The following SLCO1A2 variants were observed in gnomAD, a reference collection of about 807,000 sequenced individuals.
SLCO1A2 encodes OATP-1.
A neutral mutation model predicts 69.0 loss-of-function variants in SLCO1A2; 67 were observed. The observed-to-expected ratio is 0.97, with a 90% CI of 0.80 to 1.19. SLCO1A2 has a LOEUF of 1.19. Among genes scored for constraint, SLCO1A2 ranks in the 50% most tolerant of loss-of-function variants. SLCO1A2 has a pLI of 0.00. For missense variants in SLCO1A2, 787 were observed against 793.7 expected (o/e 0.99, Z 0.10); for synonymous variants, 260 against 265.9 (o/e 0.98, Z 0.22).
chr12:21,362,425 G>C (rs1242795815), intron 2 of SLCO1A2, among the ~76,000 whole-genome samples: 1 of 152,136 alleles, frequency 6.6e-6, no homozygotes, highest in Non-Finnish European at 1.5e-5. Flanking sequence ...GGAACAACCG[G>C]TACGAGCCAC....
At chr12:21,374,913 A>T (rs566162698) in intron 1 of SLCO1A2, among the ~76,000 whole-genome samples, 1 of 152,098 alleles carries the variant, frequency 6.6e-6, no homozygotes, top group African/African-American at 2.4e-5. Flanking sequence ...TTCTAGGCTC[A>T]GGTGATCCTC....
chr12:21,269,472 A>T lies in SLCO1A2; in HGVS notation c.*76T>A. 9.2e-7 allele frequency: 1 copy of T among 1,083,156 alleles called. No homozygotes were observed. The highest frequency in any genetic ancestry group is 1.3e-6 in the Non-Finnish European group (1 of 745,682). 67.1% of individuals were successfully genotyped at this position (1,083,156 alleles called of 1,614,324 possible). On this transcript the variant is annotated 3_prime_UTR_variant, in exon 15 of 15. Coordinates refer to ENST00000683939, the MANE Select transcript of SLCO1A2 (RefSeq NM_001386879.1). ...AAGACAAGAAAAAGTTATCTATTAT[A>T]TCTCTACTGATTTTTAAAACAATTA...
At position 21,306,897 on chromosome 12, in the gene SLCO1A2, T is replaced by C. The variant is rs777330971; in HGVS notation, c.427A>G (p.Thr143Ala). ...MENGTQILRP[T>A]QDPSECTKEV... ...AGTAGACAACCTGATGGATCCTGCGTTGGTCTTAAAATCTGGGTTCCATTT... is the reference window on the plus strand; with the variant it reads ...AGTAGACAACCTGATGGATCCTGCGCTGGTCTTAAAATCTGGGTTCCATTT... The change falls in exon 5 of 15, where the codon ACG (threonine) becomes GCG (alanine). Residue 143 changes from threonine to alanine, a missense_variant. By Grantham distance (58) the Thr-to-Ala change is moderately conservative. Coordinates refer to ENST00000683939, the MANE Select transcript of SLCO1A2 (RefSeq NM_001386879.1). 1 of 1,613,352 alleles carries C rather than the reference T, an allele frequency of 6.2e-7. No homozygotes were observed. The highest frequency in any genetic ancestry group is 1.3e-5 in the African/African-American group (1 of 75,024).
At chr12:21,313,166 G>T (rs574476909) in intron 4 of SLCO1A2, among the ~76,000 whole-genome samples, 2 of 152,240 alleles carry the variant, frequency 1.3e-5, no homozygotes, top group African/African-American at 4.8e-5. Context: ...TAATATCAAT[G>T]ATCACTAATC....
chr12:21,353,862 T>A (rs1394048044), intron 2 of SLCO1A2, among the ~76,000 whole-genome samples: 1 of 152,224 alleles, frequency 6.6e-6, no homozygotes, highest in African/African-American at 2.4e-5. Context: ...CTAATTTACC[T>A]TCCCTAGAAC....
intron 2 of SLCO1A2, among the ~76,000 whole-genome samples, chr12:21,357,856 C>T (rs542555847): frequency 6.6e-6 from 1 of 152,116 alleles, no homozygotes. Flanking sequence ...AACACATGTT[C>T]TTGCTTAAGA....
At chr12:21,340,950 T>C (rs914240599) in intron 2 of SLCO1A2, among the ~76,000 whole-genome samples, 11 of 151,936 alleles carry the variant, frequency 7.2e-5, no homozygotes, top group African/African-American at 2.7e-4. Context: ...GAGATAATAA[T>C]AAAAATATAA....
In SLCO1A2 at chr12:21,300,502, A is replaced by G; in HGVS notation, c.756T>C (p.Cys252=). The part of the protein sequence containing the change: ...VGAWWFGFLI[C]AGVNVLTAIP... ...TGGCAGTGAGCACGTTAACTCCTGCACAAATCAGAAAGCCAAACCACCATG... is the reference window on the plus strand; with the variant it reads ...TGGCAGTGAGCACGTTAACTCCTGCGCAAATCAGAAAGCCAAACCACCATG... The change falls in exon 8 of 15, where the codon TGT becomes TGC. Residue 252 remains cysteine, a synonymous_variant. Coordinates refer to ENST00000683939, the MANE Select transcript of SLCO1A2 (RefSeq NM_001386879.1). 1.9e-6 allele frequency: 3 copies of G among 1,613,628 alleles called. No homozygotes were observed. In the South Asian group the frequency reaches 3.3e-5, roughly 18 times the overall value.
rs180894017 is a variant in SLCO1A2, at chr12:21,411,726, A to C, written c.-312+6156T>G. 5.9e-4 allele frequency among the ~76,000 whole-genome samples: 90 copies of C among 152,004 alleles called. 1 individual carries two copies. Among genetic ancestry groups the C allele is most frequent in the African/African-American group, 2.0e-3 (85 of 41,466 alleles). ...GAGACAAGGTTTCACTCCATTGCCC[A>C]GGCTAGAGTGCAGTGGCACAATCAG... is the stretch of plus-strand genomic sequence containing the variant. On this transcript the variant is annotated intron_variant, in intron 1 of 4. Coordinates refer to the SLCO1A2 transcript ENST00000413682.
At chr12:21,358,410 A>G (rs1938543362) in intron 2 of SLCO1A2, among the ~76,000 whole-genome samples, 1 of 152,222 alleles carries the variant, frequency 6.6e-6, no homozygotes, top group Non-Finnish European at 1.5e-5. Flanking sequence ...GAGCAATACT[A>G]CTTTTAAACT....
intron 2 of SLCO1A2, among the ~76,000 whole-genome samples, chr12:21,330,396 A>G (rs1163985425): frequency 6.6e-6 from 1 of 152,248 alleles, no homozygotes; most frequent in East Asian, 1.9e-4. Context: ...TTGTAGTTCC[A>G]GCTACTCAGA....
At chr12:21,410,482 G>GAATA (rs1319847984) in intron 1 of SLCO1A2, among the ~76,000 whole-genome samples, 6 of 152,114 alleles carry the variant, frequency 3.9e-5, no homozygotes, top group Non-Finnish European at 7.4e-5. Flanking sequence ...TATAGCTGTA[G>GAATA]AATAGTATAC....
Position 21,314,605 on chromosome 12 carries a change from A to T in SLCO1A2, c.279T>A (p.Cys93Ter), listed in dbSNP as rs756832201. ...LHRPIMIGIG[C>*]VVMGLGCFLK... ...AGAAACAGCCTAAGCCCATAACCAC[A>T]CATCCAATGCCAATCATTATAGGTC... The change falls in exon 4 of 15, where the codon TGT becomes TGA. Residue 93 changes from cysteine (C) to a stop codon, truncating the protein, a stop_gained. Transcript: ENST00000683939. LOFTEE classifies it high-confidence loss of function. 2 of 1,613,912 alleles carry T rather than the reference A, an allele frequency of 1.2e-6. No individual in the cohort carries two copies. Among genetic ancestry groups the T allele is most frequent in the Non-Finnish European group, 1.7e-6 (2 of 1,179,886 alleles).
intron 2 of SLCO1A2, among the ~76,000 whole-genome samples, chr12:21,319,781 G>A (rs1184300236): frequency 6.6e-6 from 1 of 152,110 alleles, no homozygotes; most frequent in Non-Finnish European, 1.5e-5. Flanking sequence ...CAGTGAGGTT[G>A]ATGCAATCCA....
At chr12:21,355,874 C>A (rs866384175) in intron 2 of SLCO1A2, among the ~76,000 whole-genome samples, 15 of 151,650 alleles carry the variant, frequency 9.9e-5, no homozygotes, top group Admixed American at 2.0e-4. Flanking sequence ...TCTAATTAAC[C>A]AAAAAAGGCT....
At position 21,299,771 on chromosome 12, in the gene SLCO1A2, TATATATATATATATATATACACAC is replaced by T. The variant is rs1351069863; in HGVS notation, c.910+553_910+576del. ...AAATGGGACCATATATATACGTGTG[TATATATATATATATATATACACAC>T]ACACGTATATATATACACACACACA... On this transcript the variant is annotated intron_variant, in intron 8 of 14. Transcript: ENST00000683939. Among the ~76,000 whole-genome samples, 118 of 83,598 alleles carry T rather than the reference TATATATATATATATATATACACAC, an allele frequency of 1.4e-3. No individual in the cohort carries two copies. The East Asian group carries it at 0.053, about 37-fold the overall frequency. 54.8% of individuals were successfully genotyped at this position (83,598 alleles called of 152,430 possible).
chr12:21,371,832 G>A (rs1023958524), intron 2 of SLCO1A2, among the ~76,000 whole-genome samples: 7 of 151,932 alleles, frequency 4.6e-5, no homozygotes, highest in African/African-American at 7.2e-5. Flanking sequence ...GAGAATCCCC[G>A]TCTCCACTAA....
chr12:21,413,175 ACTT>A (rs1290875949), intron 1 of SLCO1A2, among the ~76,000 whole-genome samples: 6 of 148,088 alleles, frequency 4.1e-5, no homozygotes, highest in Non-Finnish European at 6.0e-5. Context: ...TGTGTTTATG[ACTT>A]CTTAAGATAG....
chr12:21,307,751 T>G (rs1949607080), intron 4 of SLCO1A2, among the ~76,000 whole-genome samples: 1 of 152,134 alleles, frequency 6.6e-6, no homozygotes, highest in Non-Finnish European at 1.5e-5. Context: ...GTTTTCTGTA[T>G]TTCTATTAAA....
Sources: gnomAD v4.1 joint callset for allele counts (sites outside exome capture counted in the v4.1 genomes callset) on GRCh38, gnomAD v4.1.1 for gene constraint, MANE v1.5 for transcripts, NCBI Gene and HGNC (gene_info 2026-07-23, HGNC 2026-07-21) for gene names.